The following FAM91A1 variants were observed in gnomAD, a reference collection of about 807,000 sequenced individuals.
The protein encoded by FAM91A1 is family with sequence similarity 91 member A1.
Under a neutral mutation model 113.5 loss-of-function variants are expected in FAM91A1, and 41 were observed. The ratio of observed to expected loss-of-function variants is 0.36; its 90% confidence interval spans 0.28 to 0.47. The LOEUF is 0.47. Ranked by LOEUF, FAM91A1 falls within the 20% of genes least tolerant of loss-of-function variation. The pLI is 1.00. For missense variants in FAM91A1, 696 were observed against 1,001.2 expected, an observed-to-expected ratio of 0.70 and a Z score of 4.11; for synonymous variants, 307 against 347.9, an observed-to-expected ratio of 0.88 and a Z score of 1.31.
chr8:123,788,640 C>G (rs1815314077), intron 14 of FAM91A1, among the ~76,000 whole-genome samples: 1 of 152,026 alleles, frequency 6.6e-6, no homozygotes. Context: ...TTTGTTAACC[C>G]CATTTCTTAT....
intron 23 of FAM91A1, 130 bp downstream of exon 23, chr8:123,810,481 A>G (rs759382118): frequency 2.2e-6 from 2 of 921,582 alleles, no homozygotes; most frequent in Non-Finnish European, 3.5e-6. Flanking sequence ...GTACAAATGA[A>G]GACATTGAGA....
intron 23 of FAM91A1, chr8:123,812,307 TTAC>T: frequency 2.5e-6 from 1 of 393,538 alleles, no homozygotes; most frequent in Non-Finnish European, 4.5e-6. Context: ...TTAAAAGGAC[TTAC>T]TACAGTTTAA....
chr8:123,768,925 A>C (rs2130021734), intron 1 of FAM91A1, 151 bp downstream of exon 1: 1 of 769,706 alleles, frequency 1.3e-6, no homozygotes, highest in East Asian at 2.8e-5. Flanking sequence ...CCTTCAGCCC[A>C]GGGCGAGGAG....
chr8:123,781,849 A>G (rs1054314082), intron 8 of FAM91A1, among the ~76,000 whole-genome samples: 8 of 152,224 alleles, frequency 5.3e-5, no homozygotes, highest in African/African-American at 1.9e-4. Flanking sequence ...TTGCGTTTGT[A>G]TAGTTGATGC....
chr8:123,783,173 C>T (rs901107501), intron 8 of FAM91A1, among the ~76,000 whole-genome samples: 7 of 151,770 alleles, frequency 4.6e-5, no homozygotes, highest in Admixed American at 6.6e-5. Context: ...GAGACCCTGT[C>T]TCAATAAATA....
At chr8:123,777,405 G>A in intron 4 of FAM91A1, 83 bp downstream of exon 4, 12 of 1,261,902 alleles carry the variant, frequency 9.5e-6, no homozygotes, top group Non-Finnish European at 1.4e-5. Flanking sequence ...TGTCATGTGT[G>A]TTTTTAACCT....
intron 15 of FAM91A1, among the ~76,000 whole-genome samples, chr8:123,790,184 T>G (rs1815349910): frequency 6.6e-6 from 1 of 152,244 alleles, no homozygotes; most frequent in African/African-American, 2.4e-5. Context: ...GATTTTACTT[T>G]TAAAAAGGAA....
chr8:123,773,151 C>A (rs1351418058), intron 1 of FAM91A1, among the ~76,000 whole-genome samples: 1 of 152,124 alleles, frequency 6.6e-6, no homozygotes, highest in Non-Finnish European at 1.5e-5. Context: ...ACCAATGGGT[C>A]CAGTTATGGG....
At chr8:123,807,453 G>A (rs1448246936) in intron 20 of FAM91A1, among the ~76,000 whole-genome samples, 3 of 144,976 alleles carry the variant, frequency 2.1e-5, no homozygotes, top group African/African-American at 5.2e-5. Context: ...AGACCAGTCC[G>A]GGCAATAGAG....
intron 15 of FAM91A1, among the ~76,000 whole-genome samples, chr8:123,794,544 C>A (rs1815462057): frequency 6.6e-6 from 1 of 152,196 alleles, no homozygotes; most frequent in African/African-American, 2.4e-5. Context: ...GTAGGTATCT[C>A]TTGTTGCTAT....
In FAM91A1 at chr8:123,814,079, A is replaced by G; in HGVS notation, c.*1375A>G. 1 of 347,298 alleles carries G rather than the reference A, an allele frequency of 2.9e-6. No individual in the cohort carries two copies. Among genetic ancestry groups the G allele is most frequent in the Non-Finnish European group, 5.3e-6 (1 of 187,346 alleles). 21.5% of individuals were successfully genotyped at this position (347,298 alleles called of 1,614,324 possible). On this transcript the variant is annotated 3_prime_UTR_variant, in exon 24 of 24. Coordinates refer to ENST00000334705, the MANE Select transcript of FAM91A1 (RefSeq NM_144963.4). ...CCATGGCCTATCTATAGAATTGAAT[A>G]TTTTGGACCATGTTATCTGTGGCAC...
chr8:123,774,001 T>A, intron 1 of FAM91A1, 79 bp from the exon 2 acceptor site: 2 of 1,127,666 alleles, frequency 1.8e-6, no homozygotes, highest in Non-Finnish European at 2.6e-6. Flanking sequence ...GGGTCGTGGT[T>A]TTAAAGTGTG....
At chr8:123,809,659 ATCT>A (rs1815903198) in intron 22 of FAM91A1, among the ~76,000 whole-genome samples, 1 of 152,226 alleles carries the variant, frequency 6.6e-6, no homozygotes, top group Non-Finnish European at 1.5e-5. Flanking sequence ...ACAAGTCAAG[ATCT>A]TCTTATTTTA....
intron 4 of FAM91A1, among the ~76,000 whole-genome samples, 155 bp downstream of exon 4, chr8:123,777,477 C>G (rs1815014604): frequency 6.6e-6 from 1 of 152,086 alleles, no homozygotes; most frequent in Non-Finnish European, 1.5e-5. Flanking sequence ...TCAGATGATA[C>G]CAGATGCATG....
In FAM91A1 at chr8:123,786,572, C is replaced by T. The variant is rs748197329; in HGVS notation, c.1040C>T (p.Ser347Leu). ...AGGAGTCCTGTACAAGAAGCTTCAT[C>T]GGCAACTGACACTGATACAAATAGT... ...ESRSPVQEAS[S>L]ATDTDTNSQE... is the part of the protein sequence containing the mutation. The change falls in exon 12 of 24, where the codon TCG becomes TTG. Residue 347 changes from serine (S) to leucine (L), a missense_variant. Coordinates refer to ENST00000334705, the MANE Select transcript of FAM91A1 (RefSeq NM_144963.4). The T allele has an allele frequency of 8.1e-6, 13 of 1,613,970 alleles. No individual in the cohort carries two copies. Among genetic ancestry groups the T allele is most frequent in the African/African-American group, 2.7e-5 (2 of 74,918 alleles).
Position 123,791,000 on chromosome 8 carries a change from G to C in FAM91A1, c.1411+1255G>C, listed in dbSNP as rs964086331. Among the ~76,000 whole-genome samples, 3 of 152,216 alleles carry C rather than the reference G, an allele frequency of 2.0e-5. No individual in the cohort carries two copies. The South Asian group carries it at 6.2e-4, about 32-fold the overall frequency. On this transcript the variant is annotated intron_variant, in intron 15 of 23. Coordinates refer to ENST00000334705, the MANE Select transcript of FAM91A1 (RefSeq NM_144963.4). ...GTGGCACAGTCTTGAGGATGTCTTT[G>C]GATATAAAACTCCTGGAATTTCTGG... is the stretch of plus-strand genomic sequence containing the variant.
intron 1 of FAM91A1, among the ~76,000 whole-genome samples, chr8:123,773,065 G>A (rs574311320): frequency 5.3e-5 from 8 of 152,136 alleles, no homozygotes; most frequent in Non-Finnish European, 8.8e-5. Flanking sequence ...AACCCGTGTT[G>A]TCCAAGGGCC....
chr8:123,775,047 ACTTTT>A, intron 2 of FAM91A1, 95 bp from the exon 3 acceptor site: 1 of 1,119,416 alleles, frequency 8.9e-7, no homozygotes, highest in Non-Finnish European at 1.2e-6. Context: ...TAATTTACAT[ACTTTT>A]CTTTTAAATT....
rs77140207 is a variant in FAM91A1, at chr8:123,792,216, G to T, written c.1411+2471G>T. 6.3e-3 allele frequency among the ~76,000 whole-genome samples: 955 copies of T among 152,190 alleles called. 8 individuals carry two copies. Among genetic ancestry groups the T allele is most frequent in the African/African-American group, 0.022 (902 of 41,528 alleles). ...ATCCTCTAGTATTGGTGTTTTAAGC[G>T]TCTTGTTTGAGGAAAAAGAATTTTC... On this transcript the variant is annotated intron_variant, in intron 15 of 23. Coordinates refer to ENST00000334705, the MANE Select transcript of FAM91A1 (RefSeq NM_144963.4).
Sources: allele counts gnomAD v4.1 joint callset (sites outside exome capture counted in the v4.1 genomes callset), GRCh38; gene constraint gnomAD v4.1.1; transcripts MANE v1.5; gene names NCBI Gene and HGNC (gene_info 2026-07-23, HGNC 2026-07-21).